The following RREB1 variants were observed in gnomAD, a reference collection of about 807,000 sequenced individuals.
The protein encoded by RREB1 is ras responsive element binding protein 1, also known as ras-responsive element-binding protein 1.
In RREB1, 27 loss-of-function variants were observed where a neutral mutation model predicts 117.8. The ratio of observed to expected loss-of-function variants is 0.23; its 90% CI spans 0.17 to 0.32. The LOEUF is 0.32. Among genes scored for constraint, RREB1 ranks in the 10% least tolerant of loss-of-function variants. RREB1 has a pLI of 1.00. For missense variants in RREB1, 2,577 were observed against 2,378.2 expected (o/e 1.08, Z -1.74); for synonymous variants, 1,298 against 1,026.7 (o/e 1.26, Z -5.05).
Position 7,247,081 on chromosome 6 carries a change from G to A in RREB1, c.4631G>A (p.Ser1544Asn). The change falls in exon 12 of 13, where the codon AGC becomes AAC. Residue 1544 changes from serine to asparagine, a missense_variant. Ser to Asn is a conservative substitution (Grantham distance 46). Transcript: ENST00000379938. ...SAAEKRSSEK[S>N]DDDKKPKTDS... ...GCCGAGAAAAGGTCCTCAGAGAAGA[G>A]CGACGATGACAAGAAACCAAAGACA... 1 of 1,613,756 alleles carries A rather than the reference G, an allele frequency of 6.2e-7. No individual in the cohort carries two copies. Among genetic ancestry groups the A allele is most frequent in the African/African-American group, 1.3e-5 (1 of 75,034 alleles).
At chr6:7,125,227 A>G (rs1397849180) in intron 1 of RREB1, among the ~76,000 whole-genome samples, 1 of 152,244 alleles carries the variant, frequency 6.6e-6, no homozygotes, top group Non-Finnish European at 1.5e-5. Flanking sequence ...AAGGGAGGTC[A>G]ACAAGACACT....
intron 1 of RREB1, among the ~76,000 whole-genome samples, chr6:7,120,813 ATTT>A (rs754044532): frequency 2.7e-5 from 3 of 109,656 alleles, no homozygotes; most frequent in Non-Finnish European, 1.9e-5. Flanking sequence ...CGCTTGGCTA[ATTT>A]TTTTTTTTTT....
Position 7,229,143 on chromosome 6 carries a change from G to C in RREB1, c.1044G>C (p.Pro348=), listed in dbSNP as rs778755255. The change falls in exon 10 of 13, where the codon CCG becomes CCC. Residue 348 remains proline, a synonymous_variant. Transcript: ENST00000379938. The surrounding 1 kb of genome is among the most constrained non-coding windows in gnomAD (Gnocchi z 4.5). The part of the protein sequence containing the change: ...HVAADQGQEK[P]QATPLPGDAL... ...CGGCAGACCAGGGTCAAGAAAAGCC[G>C]CAGGCCACGCCCCTGCCTGGTGACG... 6.2e-7 allele frequency: 1 copy of C among 1,608,812 alleles called. No homozygotes were observed. The highest frequency in any genetic ancestry group is 1.7e-5 in the Admixed American group (1 of 59,806).
At chr6:7,183,016 T>G (rs563373492) in intron 4 of RREB1, 1 of 152,344 alleles carries the variant, frequency 6.6e-6, no homozygotes, top group Non-Finnish European at 1.5e-5. Flanking sequence ...ATGATGGTTT[T>G]CTATAAATTC....
rs372248048 is a variant in RREB1, at chr6:7,246,619, C to T, written c.4169C>T (p.Pro1390Leu). The T allele has an allele frequency of 3.6e-5, 57 of 1,565,190 alleles. No individual in the cohort carries two copies. The highest frequency in any genetic ancestry group is 4.7e-5 in the Non-Finnish European group (54 of 1,155,290). ...CACGGGCGTGGGGAGAGCCATGAGC[C>T]GGAGGAGGAGCATGGCACTGAGGAG... ...EEHGRGESHEPEEEHGTEEST... is the reference protein window; with the variant it reads ...EEHGRGESHELEEEHGTEEST... The change falls in exon 12 of 13, where the codon CCG (proline) becomes CTG (leucine). Residue 1390 changes from proline (P) to leucine (L), a missense_variant. Physicochemically the swap from Pro to Leu is moderately conservative, Grantham distance 98. Coordinates refer to ENST00000379938, the MANE Select transcript of RREB1 (RefSeq NM_001003699.4).
intron 1 of RREB1, among the ~76,000 whole-genome samples, chr6:7,139,599 A>C (rs962346559): frequency 1.3e-5 from 2 of 152,242 alleles, no homozygotes; most frequent in African/African-American, 4.8e-5. Context: ...ATATTCGACA[A>C]TATAACTGAA....
At chr6:7,202,718 G>T (rs988951287) in intron 6 of RREB1, among the ~76,000 whole-genome samples, 2 of 152,176 alleles carry the variant, frequency 1.3e-5, no homozygotes, top group Non-Finnish European at 2.9e-5. Flanking sequence ...GCCTGGGGAA[G>T]AAGAAGAGGC....
At position 7,250,624 on chromosome 6, in the gene RREB1, C is replaced by T. The variant is rs956595917; in HGVS notation, c.*1656C>T. 1 of 152,118 alleles carries T rather than the reference C, an allele frequency of 6.6e-6. No homozygotes were observed. Among genetic ancestry groups the T allele is most frequent in the African/African-American group, 2.4e-5 (1 of 41,498 alleles). 9.4% of individuals were successfully genotyped at this position (152,118 alleles called of 1,614,324 possible). ...TTCCCCTGGGGAGGCACCCCTGTACCCCAGCTTCCTTCCCCTGGCCTTTTC... is the reference window on the plus strand; with the variant it reads ...TTCCCCTGGGGAGGCACCCCTGTACTCCAGCTTCCTTCCCCTGGCCTTTTC... On this transcript the variant is annotated 3_prime_UTR_variant, in exon 13 of 13. Transcript: ENST00000379938.
At chr6:7,231,951 G>C in intron 10 of RREB1, 44 bp downstream of exon 10, 1 of 1,529,462 alleles carries the variant, frequency 6.5e-7, no homozygotes, top group Non-Finnish European at 8.8e-7. Context: ...CCTACTTCCT[G>C]GTAGGGGGAG....
At chr6:7,146,298 T>G (rs1762854748) in intron 1 of RREB1, among the ~76,000 whole-genome samples, 1 of 152,040 alleles carries the variant, frequency 6.6e-6, no homozygotes, top group Non-Finnish European at 1.5e-5. Context: ...TAGGCCCCAT[T>G]CAGCAGCAGC....
intron 12 of RREB1, among the ~76,000 whole-genome samples, 197 bp from the exon 13 acceptor site, chr6:7,248,314 A>T (rs1769228024): frequency 6.6e-6 from 1 of 152,342 alleles, no homozygotes; most frequent in Admixed American, 6.5e-5. Flanking sequence ...GAAAGGTCTC[A>T]GACTGACAGC....
At chr6:7,205,101 G>C (rs1231783781) in intron 6 of RREB1, among the ~76,000 whole-genome samples, 2 of 152,180 alleles carry the variant, frequency 1.3e-5, no homozygotes, top group South Asian at 4.1e-4. Flanking sequence ...ATGGTTGACC[G>C]AACCTGCAAA....
chr6:7,184,262 TTTA>T (rs1022517588), intron 4 of RREB1, among the ~76,000 whole-genome samples: 1 of 150,910 alleles, frequency 6.6e-6, no homozygotes, highest in Non-Finnish European at 1.5e-5. Flanking sequence ...GTAGGTTCAT[TTTA>T]TTATTATTAT....
chr6:7,195,402 T>C (rs933708906), intron 6 of RREB1, among the ~76,000 whole-genome samples: 14 of 152,162 alleles, frequency 9.2e-5, no homozygotes, highest in Non-Finnish European at 1.9e-4. Context: ...CCAGAGAGAA[T>C]GGAGTTAGAT....
At chr6:7,223,248 C>T (rs1767370464) in intron 8 of RREB1, among the ~76,000 whole-genome samples, 1 of 129,048 alleles carries the variant, frequency 7.7e-6, no homozygotes, top group East Asian at 2.2e-4. Flanking sequence ...CAGAGCAAGA[C>T]TCTCTTTTTA....
intron 1 of RREB1, among the ~76,000 whole-genome samples, chr6:7,122,039 AC>A (rs1217401751): frequency 6.6e-6 from 1 of 152,188 alleles, no homozygotes; most frequent in Non-Finnish European, 1.5e-5. Flanking sequence ...GAGTTGGGTC[AC>A]CAGCCTTTAA....
chr6:7,201,122 G>A (rs1215443386), intron 6 of RREB1, among the ~76,000 whole-genome samples: 1 of 152,138 alleles, frequency 6.6e-6, no homozygotes, highest in Non-Finnish European at 1.5e-5. Context: ...CTAGCAGAGA[G>A]CTGGCCTCTG....
Position 7,246,504 on chromosome 6 carries a change from G to T in RREB1, c.4054G>T (p.Glu1352Ter). 6.5e-7 allele frequency: 1 copy of T among 1,545,372 alleles called. No individual in the cohort carries two copies. Residue 1352 changes from glutamate (E) to a stop codon, truncating the protein, a stop_gained, in exon 12 of 13, where the codon GAG becomes TAG. Coordinates refer to ENST00000379938, the MANE Select transcript of RREB1 (RefSeq NM_001003699.4). LOFTEE classifies it high-confidence loss of function. ...LTSRDREQPS[E>*]GATELRQVAG... The stretch of plus-strand genomic sequence containing the variant: ...CTCACGGGACAGAGAGCAGCCGTCG[G>T]AGGGCGCCACTGAGCTCCGCCAGGT...
Position 7,187,459 on chromosome 6 carries a change from A to G in RREB1, c.197A>G (p.Tyr66Cys), listed in dbSNP as rs758793566. 3 of 1,605,502 alleles carry G rather than the reference A, an allele frequency of 1.9e-6. No individual in the cohort carries two copies. Among genetic ancestry groups the G allele is most frequent in the Non-Finnish European group, 2.6e-6 (3 of 1,173,996 alleles). Reference sequence around the variant, plus strand: ...GAAACGAAAGAGGAGAAGTCTTCCTATAACTGCCCCCTGTGTGAGAAGATT... The same window carrying G: ...GAAACGAAAGAGGAGAAGTCTTCCTGTAACTGCCCCCTGTGTGAGAAGATT... ...NQETKEEKSS[Y>C]NCPLCEKICT... The change falls in exon 5 of 13, where the codon TAT (tyrosine) becomes TGT (cysteine). Residue 66 changes from tyrosine (Y) to cysteine (C), a missense_variant. Transcript: ENST00000379938.
Sources: gnomAD v4.1 joint callset for allele counts (sites outside exome capture counted in the v4.1 genomes callset) on GRCh38, gnomAD v4.1.1 for gene constraint, Gnocchi (gnomAD v3.1) non-coding constraint, MANE v1.5 for transcripts, NCBI Gene and HGNC (gene_info 2026-07-23, HGNC 2026-07-21) for gene names.